The following DNM3 variants were observed in gnomAD, a reference collection of about 807,000 sequenced individuals.
DNM3 encodes dynamin 3, also known as dynamin-3.
In DNM3, 47 loss-of-function variants were observed where a neutral mutation model predicts 101.6. That is an observed-to-expected ratio of 0.46 (90% CI 0.37 to 0.59). The LOEUF (loss-of-function observed/expected upper bound fraction) is 0.59. Among genes scored for constraint, DNM3 ranks in the 20% least tolerant of loss-of-function variants. DNM3 has a pLI of 0.00. For missense variants in DNM3, 849 were observed against 1,085.7 expected (o/e 0.78, Z 3.06); for synonymous variants, 385 against 387.9 (o/e 0.99, Z 0.09).
At chr1:172,315,033 T>G (rs1374259888) in intron 16 of DNM3, among the ~76,000 whole-genome samples, 1 of 152,144 alleles carries the variant, frequency 6.6e-6, no homozygotes, top group Non-Finnish European at 1.5e-5. Flanking sequence ...GGTACTCCTC[T>G]GAGACAAAAC....
intron 14 of DNM3, among the ~76,000 whole-genome samples, chr1:172,198,181 A>G (rs562309471): frequency 1.3e-5 from 2 of 151,982 alleles, no homozygotes; most frequent in South Asian, 4.2e-4. Context: ...GTTTTTGTCT[A>G]GTTTTGTTTA....
At chr1:172,390,193 T>C (rs2069443789) in intron 20 of DNM3, among the ~76,000 whole-genome samples, 2 of 152,228 alleles carry the variant, frequency 1.3e-5, no homozygotes. Flanking sequence ...TTTCTAGTAA[T>C]AGCAGTACTA....
At chr1:172,154,495 T>A (rs922162915) in intron 14 of DNM3, among the ~76,000 whole-genome samples, 2 of 152,108 alleles carry the variant, frequency 1.3e-5, no homozygotes, top group South Asian at 2.1e-4. Context: ...AGGAGAAATG[T>A]GGAAACCACA....
chr1:172,068,916 G>C lies in DNM3; in HGVS notation c.1422+11G>C. ...AAGACAAAGGACCAGGTAAAGAGAGGTCTTCCCTGGTGGGCAGGGAGATTG... is the reference window on the plus strand; with the variant it reads ...AAGACAAAGGACCAGGTAAAGAGAGCTCTTCCCTGGTGGGCAGGGAGATTG... On this transcript the variant is annotated intron_variant, in intron 11 of 20. Transcript: ENST00000627582. The C allele has an allele frequency of 6.4e-7, 1 of 1,553,914 alleles. No homozygotes were observed. The highest frequency in any genetic ancestry group is 1.2e-5 in the South Asian group (1 of 84,130).
chr1:172,343,581 T>C (rs933653729), intron 17 of DNM3, among the ~76,000 whole-genome samples: 12 of 152,168 alleles, frequency 7.9e-5, no homozygotes, highest in African/African-American at 2.9e-4. Flanking sequence ...TTATGATATG[T>C]GGTTTTGAGT....
downstream of DNM3, among the ~76,000 whole-genome samples, chr1:172,416,418 A>G (rs1440655617): frequency 6.6e-6 from 1 of 152,236 alleles, no homozygotes; most frequent in Non-Finnish European, 1.5e-5. Context: ...TTTTTCAGCA[A>G]TGACAGGAAG....
At chr1:171,998,071 T>A (rs2046116326) in intron 4 of DNM3, among the ~76,000 whole-genome samples, 1 of 152,136 alleles carries the variant, frequency 6.6e-6, no homozygotes, top group South Asian at 2.1e-4. Flanking sequence ...AGTTGATCAC[T>A]GTCAAGCAGC....
In DNM3 at chr1:172,275,859, C is replaced by CT. The variant is rs1435159052; in HGVS notation, c.1769+22179dup. Among the ~76,000 whole-genome samples the CT allele has an allele frequency of 9.2e-5, 14 of 152,202 alleles. No individual in the cohort carries two copies. The East Asian group carries it at 2.7e-3, about 29-fold the overall frequency. On this transcript the variant is annotated intron_variant, in intron 15 of 20. Transcript: ENST00000627582. ...CCTTACTGAAGTGTTTTATGTTTAA[C>CT]TTGTCAAAAATTAAGGAAGGCATGA...
intron 18 of DNM3, among the ~76,000 whole-genome samples, chr1:172,386,312 G>T (rs897016905): frequency 6.6e-6 from 1 of 151,832 alleles, no homozygotes; most frequent in African/African-American, 2.4e-5. Context: ...TAAAATCACT[G>T]GTGTCTTAGA....
chr1:172,165,089 G>A (rs1572792912), intron 14 of DNM3, among the ~76,000 whole-genome samples: 1 of 152,132 alleles, frequency 6.6e-6, no homozygotes, highest in South Asian at 2.1e-4. Flanking sequence ...CCTATCTAAA[G>A]GAGCAATCTT....
chr1:171,927,060 A>G (rs931747564), intron 2 of DNM3, among the ~76,000 whole-genome samples: 3 of 152,212 alleles, frequency 2.0e-5, no homozygotes, highest in African/African-American at 7.2e-5. Context: ...CAGCTGGGGA[A>G]AGAAAGAAAT....
chr1:172,383,902 G>A lies in DNM3; in HGVS notation c.2059-3231G>A, dbSNP rs376268366. Among the ~76,000 whole-genome samples, 6 of 152,216 alleles carry A rather than the reference G, an allele frequency of 3.9e-5. No homozygotes were observed. In the East Asian group the frequency reaches 1.2e-3, roughly 29 times the overall value. The stretch of plus-strand genomic sequence containing the variant: ...CCATACAGAGATGTATAGGTTATAA[G>A]GTGTTATAATTAAAAACATAAATAT... On this transcript the variant is annotated intron_variant, in intron 18 of 20. Coordinates refer to ENST00000627582, the MANE Select transcript of DNM3 (RefSeq NM_015569.5).
rs553710329 is a variant in DNM3 at position 172,408,023 on chromosome 1, A to G, written c.*182A>G. 2.1e-6 allele frequency: 3 copies of G among 1,441,106 alleles called. No homozygotes were observed. The highest frequency in any genetic ancestry group is 2.7e-6 in the Non-Finnish European group (3 of 1,097,582). The allele number at this position is 1,441,106 out of a possible 1,614,324, so 89.3% of individuals were successfully genotyped here. On this transcript the variant is annotated 3_prime_UTR_variant, in exon 21 of 21. Coordinates refer to ENST00000627582, the MANE Select transcript of DNM3 (RefSeq NM_015569.5). ...TGGTATGTCAAACCTTTGGGGTTTG[A>G]CTCAGAAACTGCTAACCTTTTAGAG... is the stretch of plus-strand genomic sequence containing the variant.
chr1:172,362,348 G>C (rs2067783905), intron 17 of DNM3, among the ~76,000 whole-genome samples: 1 of 151,906 alleles, frequency 6.6e-6, no homozygotes, highest in Non-Finnish European at 1.5e-5. Context: ...ATAATGAAAA[G>C]ATTTTAGCAA....
intron 4 of DNM3, among the ~76,000 whole-genome samples, chr1:171,995,497 A>C (rs1286505507): frequency 6.6e-6 from 1 of 152,110 alleles, no homozygotes; most frequent in African/African-American, 2.4e-5. Flanking sequence ...GTTGGCTTTA[A>C]CAATTTTTGC....
chr1:172,161,028 A>T (rs2058527179), intron 14 of DNM3, among the ~76,000 whole-genome samples: 1 of 151,934 alleles, frequency 6.6e-6, no homozygotes. Flanking sequence ...TAATAGGCTG[A>T]AACACACTGT....
chr1:172,403,599 C>G (rs557197917), intron 20 of DNM3, among the ~76,000 whole-genome samples: 1 of 152,152 alleles, frequency 6.6e-6, no homozygotes, highest in Non-Finnish European at 1.5e-5. Flanking sequence ...GACTTTCTTA[C>G]AAAATTTGTC....
intron 14 of DNM3, among the ~76,000 whole-genome samples, chr1:172,253,300 C>T (rs894822878): frequency 2.6e-5 from 4 of 152,080 alleles, no homozygotes; most frequent in East Asian, 1.9e-4. Flanking sequence ...CCATTCCCCC[C>T]GCCATTTTTC....
At chr1:171,929,956 G>C (rs185757106) in intron 2 of DNM3, among the ~76,000 whole-genome samples, 21 of 152,156 alleles carry the variant, frequency 1.4e-4, no homozygotes, top group African/African-American at 5.1e-4. Flanking sequence ...AAAGATGGTG[G>C]CCCACCCCTC....
Sources: gnomAD v4.1 joint callset for allele counts (sites outside exome capture counted in the v4.1 genomes callset) on GRCh38, gnomAD v4.1.1 for gene constraint, MANE v1.5 for transcripts, NCBI Gene and HGNC (gene_info 2026-07-23, HGNC 2026-07-21) for gene names.